Variants in MEGF11 observed in about 807,000 individuals in gnomAD.
MEGF11 encodes the protein multiple EGF like domains 11, also known as multiple epidermal growth factor-like domains protein 11.
MEGF11 carries 126 observed loss-of-function variants against 146.6 expected under a neutral mutation model. The observed-to-expected ratio is 0.86, with a 90% confidence interval of 0.74 to 1.00. The LOEUF (loss-of-function observed/expected upper bound fraction) is 1.00. MEGF11 is among the 50% of genes least tolerant of loss of function. MEGF11 has a pLI of 0.00. For synonymous variants in MEGF11, 532 were observed against 583.4 expected, an observed-to-expected ratio of 0.91 and a Z score of 1.27; for missense variants, 1,509 against 1,521.2, an observed-to-expected ratio of 0.99 and a Z score of 0.13.
intron 5 of MEGF11, among the ~76,000 whole-genome samples, chr15:66,045,860 TG>T (rs1032676567): frequency 5.9e-5 from 9 of 152,190 alleles, no homozygotes; most frequent in African/African-American, 1.9e-4. Context: ...CCCAGCACTT[TG>T]GGAGGTCGAG....
intron 5 of MEGF11, among the ~76,000 whole-genome samples, chr15:66,015,533 G>GAAA (rs2082856648): frequency 1.3e-5 from 2 of 152,186 alleles, no homozygotes; most frequent in African/African-American, 4.8e-5. Flanking sequence ...ATCTGGTGAA[G>GAAA]AAAGTCATAA....
intron 24 of MEGF11, 54 bp downstream of exon 24, chr15:65,906,031 A>C: frequency 6.9e-7 from 1 of 1,443,522 alleles, no homozygotes; most frequent in Non-Finnish European, 9.6e-7. Flanking sequence ...TCAGATCTGC[A>C]CTCTTTATCT....
At chr15:66,055,817 G>A (rs1370804753) in intron 5 of MEGF11, among the ~76,000 whole-genome samples, 1 of 152,140 alleles carries the variant, frequency 6.6e-6, no homozygotes, top group East Asian at 1.9e-4. Flanking sequence ...CATGATTCGG[G>A]AGGCTCTGCA....
At position 65,922,473 on chromosome 15, in the gene MEGF11, C is replaced by CTGAG. The variant is rs745500425; in HGVS notation, c.1823-5_1823-2dup. On this transcript the variant is annotated splice_acceptor_variant, in intron 14 of 25. Transcript: ENST00000395614. LOFTEE classifies it high-confidence loss of function. Reference sequence around the variant, plus strand: ...TGGCCATAGAACCCAGGGGGGCAGACTGAGGGTGAAGGGAAGATGGTGGTC... The same window carrying CTGAG: ...TGGCCATAGAACCCAGGGGGGCAGACTGAGTGAGGGTGAAGGGAAGATGGTGGTC... 5 of 1,564,908 alleles carry CTGAG rather than the reference C, an allele frequency of 3.2e-6. No individual in the cohort carries two copies. Among genetic ancestry groups the CTGAG allele is most frequent in the Non-Finnish European group, 4.3e-6 (5 of 1,155,568 alleles).
chr15:65,898,621 AAAG>A (rs1247105200), intron 25 of MEGF11, 104 bp downstream of exon 25: 9 of 1,526,728 alleles, frequency 5.9e-6, no homozygotes, highest in African/African-American at 4.1e-5. Flanking sequence ...AAAAGCAACA[AAAG>A]AAGGATGTGT....
intron 5 of MEGF11, among the ~76,000 whole-genome samples, chr15:66,025,005 C>G (rs1406646100): frequency 6.6e-6 from 1 of 152,058 alleles, no homozygotes; most frequent in Non-Finnish European, 1.5e-5. Context: ...TGTTAATGGC[C>G]GTCAGGGGAA....
intron 10 of MEGF11, among the ~76,000 whole-genome samples, chr15:65,932,434 A>G (rs1332989907): frequency 1.3e-5 from 2 of 151,802 alleles, no homozygotes. Context: ...GTATGCTGTT[A>G]GCTCCACTAA....
At position 66,003,441 on chromosome 15, in the gene MEGF11, A is replaced by G. The variant is rs77503735; in HGVS notation, c.395-20953T>C. On this transcript the variant is annotated intron_variant, in intron 5 of 25. Coordinates refer to ENST00000395614, the MANE Select transcript of MEGF11 (RefSeq NM_001385028.1). ...TAGGTCTCATGAAAGCAAATTTTCT[A>G]TCCTTAGGGGTGGCTGAATGGAGGG... is the stretch of plus-strand genomic sequence containing the variant. 5.9e-3 allele frequency among the ~76,000 whole-genome samples: 781 copies of G among 131,724 alleles called. 4 individuals carry two copies. Among genetic ancestry groups the G allele is most frequent in the African/African-American group, 0.019 (696 of 35,870 alleles). 86.4% of individuals were successfully genotyped at this position (131,724 alleles called of 152,430 possible).
intron 1 of MEGF11, among the ~76,000 whole-genome samples, chr15:66,230,729 T>C (rs550001451): frequency 6.6e-6 from 1 of 152,246 alleles, no homozygotes; most frequent in East Asian, 1.9e-4. Flanking sequence ...GATGCGGACG[T>C]GGGAGTGCAC....
In MEGF11 at chr15:66,119,084, A is replaced by G; in HGVS notation, c.301+2T>C. ...GGCAGAACAGCAGCAGCCCCTACAT[A>G]CGTATGCAGAAGTCTCCGCTCTCAT... On this transcript the variant is annotated splice_donor_variant, in intron 4 of 25. Coordinates refer to ENST00000395614, the MANE Select transcript of MEGF11 (RefSeq NM_001385028.1). LOFTEE classifies it high-confidence loss of function. 1 of 1,546,796 alleles carries G rather than the reference A, an allele frequency of 6.5e-7. No individual in the cohort carries two copies. The highest frequency in any genetic ancestry group is 8.7e-7 in the Non-Finnish European group (1 of 1,143,636).
chr15:66,159,577 G>A (rs1293913853), intron 1 of MEGF11, among the ~76,000 whole-genome samples: 4 of 152,196 alleles, frequency 2.6e-5, no homozygotes, highest in African/African-American at 9.6e-5. Context: ...CCCAGCCACA[G>A]AAGGACACTC....
intron 3 of MEGF11, among the ~76,000 whole-genome samples, chr15:66,123,446 T>C (rs2088151276): frequency 1.3e-5 from 2 of 152,176 alleles, no homozygotes. Context: ...AAGTAGTTTA[T>C]TTTGGAGGCA....
intron 13 of MEGF11, 85 bp from the exon 14 acceptor site, chr15:65,923,054 G>T: frequency 1.4e-6 from 2 of 1,445,144 alleles, no homozygotes; most frequent in Non-Finnish European, 9.3e-7. Flanking sequence ...AGTGCAGTAT[G>T]AAGAGGTGGA....
Position 65,957,562 on chromosome 15 carries a change from A to C in MEGF11, c.1272T>G (p.Cys424Trp). 2 of 1,613,630 alleles carry C rather than the reference A, an allele frequency of 1.2e-6. No individual in the cohort carries two copies. The highest frequency in any genetic ancestry group is 1.7e-6 in the Non-Finnish European group (2 of 1,179,788). Residue 424 changes from cysteine (C) to tryptophan (W), a missense_variant, in exon 10 of 26, where the codon TGT (cysteine) becomes TGG (tryptophan). Cys to Trp is a radical substitution (Grantham distance 215, BLOSUM62 -2). Coordinates refer to ENST00000395614, the MANE Select transcript of MEGF11 (RefSeq NM_001385028.1). ...DCHSITGGCT[C>W]APGFMGEVCA... ...CCCATCTTACCATGAAGCCCGGAGC[A>C]CAAGTGCAGCCCCCAGTGATGCTGT...
At chr15:66,111,152 CAAT>C (rs2087379076) in intron 4 of MEGF11, among the ~76,000 whole-genome samples, 1 of 152,228 alleles carries the variant, frequency 6.6e-6, no homozygotes, top group South Asian at 2.1e-4. Flanking sequence ...AGGGCAGTAA[CAAT>C]AATGCTCACT....
At chr15:66,192,535 T>TAAAATAAAATAAAATAA (rs2090910699) in intron 1 of MEGF11, among the ~76,000 whole-genome samples, 3 of 146,480 alleles carry the variant, frequency 2.0e-5, no homozygotes, top group Admixed American at 6.8e-5. Context: ...TAAAATAAAA[T>TAAAATAAAATAAAATAA]CATCATAATG....
chr15:66,251,381 T>C (rs909293876), intron 1 of MEGF11, among the ~76,000 whole-genome samples: 7 of 152,172 alleles, frequency 4.6e-5, no homozygotes, highest in African/African-American at 1.7e-4. Context: ...CTACATGCAC[T>C]CACTTCCTTG....
chr15:65,947,766 C>T (rs983329836), intron 10 of MEGF11, among the ~76,000 whole-genome samples: 2 of 152,094 alleles, frequency 1.3e-5, no homozygotes, highest in East Asian at 1.9e-4. Flanking sequence ...AAAAGAAAAC[C>T]GGGTATACTT....
chr15:66,013,567 G>A (rs1401605652), intron 5 of MEGF11, among the ~76,000 whole-genome samples: 1 of 152,156 alleles, frequency 6.6e-6, no homozygotes, highest in African/African-American at 2.4e-5. Flanking sequence ...GGAATCTGAG[G>A]CTCAGAGAGA....
Sources: gnomAD v4.1 joint callset for allele counts (sites outside exome capture counted in the v4.1 genomes callset) on GRCh38, gnomAD v4.1.1 for gene constraint, MANE v1.5 for transcripts, NCBI Gene and HGNC (gene_info 2026-07-23, HGNC 2026-07-21) for gene names.